LIMS1: variants seen among roughly 807,000 people sequenced by gnomAD.
LIMS1 encodes LIM and senescent cell antigen-like-containing domain protein 1.
In LIMS1, 18 loss-of-function variants were observed where a neutral mutation model predicts 44.1. The observed-to-expected ratio is 0.41, with a 90% confidence interval of 0.28 to 0.61. The LOEUF (loss-of-function observed/expected upper bound fraction) is 0.61, where lower values mean the gene tolerates loss of function less well. Ranked by LOEUF, LIMS1 falls within the 20% of genes least tolerant of loss-of-function variation. The pLI, the probability that LIMS1 is intolerant of heterozygous loss-of-function variation, is 0.32. For missense variants in LIMS1, 201 were observed against 422.0 expected, an observed-to-expected ratio of 0.48 and a Z score of 4.59; for synonymous variants, 93 against 149.1, an observed-to-expected ratio of 0.62 and a Z score of 2.74.
chr2:108,628,654 C>T (rs935122612), intron 1 of LIMS1, among the ~76,000 whole-genome samples: 12 of 152,120 alleles, frequency 7.9e-5, no homozygotes, highest in Non-Finnish European at 1.6e-4. Flanking sequence ...TTAGTAGAGA[C>T]GGGGTTTCAC....
chr2:108,581,993 A>T (rs1234333911), intron 1 of LIMS1, among the ~76,000 whole-genome samples: 1 of 152,078 alleles, frequency 6.6e-6, no homozygotes, highest in African/African-American at 2.4e-5. Context: ...TGTTTTCTTG[A>T]TATAGTCAGA....
At chr2:108,546,989 G>A (rs756015146) in intron 1 of LIMS1, among the ~76,000 whole-genome samples, 4 of 152,196 alleles carry the variant, frequency 2.6e-5, no homozygotes, top group African/African-American at 9.7e-5. Context: ...ATGGCTGATA[G>A]ATAAGAGTTC....
intron 1 of LIMS1, among the ~76,000 whole-genome samples, chr2:108,599,805 G>A (rs1261792406): frequency 6.6e-6 from 1 of 151,832 alleles, no homozygotes; most frequent in East Asian, 1.9e-4. Flanking sequence ...TCATAGGCCT[G>A]TTTGCCATTT....
At chr2:108,679,927 C>T (rs533779998) in intron 8 of LIMS1, among the ~76,000 whole-genome samples, 40 of 151,772 alleles carry the variant, frequency 2.6e-4, no homozygotes, top group African/African-American at 8.5e-4. Flanking sequence ...AAGAAGCTCT[C>T]AGGAAAGAGG....
At chr2:108,669,385 G>A (rs1359818054) in intron 2 of LIMS1, among the ~76,000 whole-genome samples, 11 of 151,992 alleles carry the variant, frequency 7.2e-5, no homozygotes, top group Non-Finnish European at 5.9e-5. Context: ...TCCAGACTGG[G>A]CAACAGAGCG....
intron 1 of LIMS1, among the ~76,000 whole-genome samples, chr2:108,640,771 T>C (rs1689618643): frequency 6.6e-6 from 1 of 152,220 alleles, no homozygotes. Flanking sequence ...TTCAAACATT[T>C]ATCATTTCCT....
chr2:108,544,307 G>A (rs1684414130), intron 1 of LIMS1, among the ~76,000 whole-genome samples: 1 of 152,106 alleles, frequency 6.6e-6, no homozygotes, highest in African/African-American at 2.4e-5. Context: ...AACATGGGCT[G>A]CAGACTTCTA....
intron 1 of LIMS1, among the ~76,000 whole-genome samples, chr2:108,600,889 C>T (rs1203866538): frequency 2.9e-5 from 3 of 102,902 alleles, no homozygotes; most frequent in Admixed American, 1.0e-4. Flanking sequence ...TAGAATTGTT[C>T]GTTCTTCTCT....
chr2:108,583,580 C>T (rs1685970747), intron 1 of LIMS1, among the ~76,000 whole-genome samples: 2 of 151,902 alleles, frequency 1.3e-5, no homozygotes, highest in Admixed American at 6.6e-5. Context: ...TTTTTAAAGT[C>T]CCGGGAGGAA....
chr2:108,621,275 G>A (rs778059572), intron 1 of LIMS1: 3 of 1,533,602 alleles, frequency 2.0e-6, no homozygotes, highest in Non-Finnish European at 2.6e-6. Flanking sequence ...CCCTCGGCAA[G>A]GGACGCTGCT....
intron 1 of LIMS1, among the ~76,000 whole-genome samples, chr2:108,573,508 A>G (rs1219038213): frequency 5.3e-5 from 8 of 152,092 alleles, no homozygotes; most frequent in African/African-American, 1.7e-4. Context: ...CCTCAAAACA[A>G]CCCTGCAAAG....
Position 108,673,329 on chromosome 2 carries a change from A to T in LIMS1, c.530+300A>T, listed in dbSNP as rs1019900332. ...ACCTCTAAAATTTCTCATGAGTCCC[A>T]GTATGCGTCTCCTGAGAATAAGAGC... On this transcript the variant is annotated intron_variant, in intron 5 of 9. Transcript: ENST00000544547. 8.6e-6 allele frequency: 4 copies of T among 465,944 alleles called. No individual in the cohort carries two copies. The Admixed American group carries it at 1.5e-4, about 18-fold the overall frequency. 28.9% of individuals were successfully genotyped at this position (465,944 alleles called of 1,614,324 possible).
intron 1 of LIMS1, among the ~76,000 whole-genome samples, chr2:108,539,504 T>C (rs775158127): frequency 6.6e-6 from 1 of 152,228 alleles, no homozygotes; most frequent in Non-Finnish European, 1.5e-5. Context: ...TCAGCGTCTT[T>C]AAGCCTCAGA....
chr2:108,603,723 G>A (rs1467439299), intron 1 of LIMS1, among the ~76,000 whole-genome samples: 2 of 151,882 alleles, frequency 1.3e-5, no homozygotes, highest in Admixed American at 1.3e-4. Context: ...AAAGTACTGT[G>A]AGCCACCATG....
At chr2:108,668,027 A>C (rs971185243) in intron 2 of LIMS1, among the ~76,000 whole-genome samples, 1 of 152,142 alleles carries the variant, frequency 6.6e-6, no homozygotes, top group African/African-American at 2.4e-5. Context: ...ATGCAGACCC[A>C]GCAGATACAG....
chr2:108,640,904 G>A (rs1395378792), intron 1 of LIMS1, among the ~76,000 whole-genome samples: 1 of 152,122 alleles, frequency 6.6e-6, no homozygotes, highest in Non-Finnish European at 1.5e-5. Flanking sequence ...CAGCTGTAAT[G>A]TTGAGTCCCT....
chr2:108,676,684 A>T lies in LIMS1; in HGVS notation c.760A>T (p.Thr254Ser), dbSNP rs751929327. The change falls in exon 7 of 10, where the codon ACT becomes TCT. Residue 254 changes from threonine (T) to serine (S), a missense_variant. Coordinates refer to ENST00000544547, the Ensembl canonical transcript of LIMS1. Reference sequence around the variant, plus strand: ...GAGGAAAGGCCTGGCATATTGTGAAACTCACTATAACCAGGTATTGACCTT... The same window carrying T: ...GAGGAAAGGCCTGGCATATTGTGAATCTCACTATAACCAGGTATTGACCTT... 6 of 1,381,528 alleles carry T rather than the reference A, an allele frequency of 4.3e-6. 1 individual carries two copies. The highest frequency in any genetic ancestry group is 6.0e-6 in the Non-Finnish European group (6 of 1,001,062). 85.6% of individuals were successfully genotyped at this position (1,381,528 alleles called of 1,614,324 possible).
intron 1 of LIMS1, among the ~76,000 whole-genome samples, chr2:108,537,460 T>G (rs1236080424): frequency 6.6e-6 from 1 of 152,210 alleles, no homozygotes; most frequent in East Asian, 1.9e-4. Flanking sequence ...TGGACCACCA[T>G]GGAAGAAGCA....
Position 108,552,231 on chromosome 2 carries a change from TTATATATAC to T in LIMS1, c.32+17658_32+17666del, listed in dbSNP as rs61433353. On this transcript the variant is annotated intron_variant, in intron 1 of 9. Coordinates refer to ENST00000544547, the Ensembl canonical transcript of LIMS1. ...CAATATATAATACATAATACATTAG[TTATATATAC>T]TATATATACTATATATACTACACGT... Among the ~76,000 whole-genome samples, 743 of 143,640 alleles carry T rather than the reference TTATATATAC, an allele frequency of 5.2e-3. 6 individuals carry two copies. Among genetic ancestry groups the T allele is most frequent in the African/African-American group, 0.017 (674 of 39,616 alleles). The allele number at this position is 143,640 out of a possible 152,430, so 94.2% of individuals were successfully genotyped here.
Sources: allele counts gnomAD v4.1 joint callset (sites outside exome capture counted in the v4.1 genomes callset), GRCh38; gene constraint gnomAD v4.1.1; transcripts MANE v1.5; gene names NCBI Gene and HGNC (gene_info 2026-07-23, HGNC 2026-07-21).